ANKZF1: variants seen among roughly 807,000 people sequenced by gnomAD.
The protein encoded by ANKZF1 is ankyrin repeat and zinc finger peptidyl tRNA hydrolase 1.
Under a neutral mutation model 86.0 loss-of-function variants are expected in ANKZF1, and 84 were observed. That is an observed-to-expected ratio of 0.98 (90% confidence interval 0.82 to 1.17). The LOEUF (loss-of-function observed/expected upper bound fraction) is 1.17. ANKZF1 is among the 50% of genes most tolerant of loss of function. The pLI, the probability that ANKZF1 is intolerant of heterozygous loss-of-function variation, is 0.00. For synonymous variants in ANKZF1, 331 were observed against 354.2 expected (o/e 0.93, Z 0.74); for missense variants, 893 against 918.4 (o/e 0.97, Z 0.36).
In ANKZF1 at chr2:219,230,272, A is replaced by G; in HGVS notation, c.15A>G (p.Pro5=). Residue 5 remains proline, a synonymous_variant, in exon 2 of 14, where the codon CCA becomes CCG. Coordinates refer to ENST00000323348, the MANE Select transcript of ANKZF1 (RefSeq NM_018089.3). MSPA[P]DAAPAPASIS... ...TCTGCTCAGCCATGTCGCCGGCTCC[A>G]GATGCAGCCCCGGCTCCTGCGTCGA... 1 of 1,613,578 alleles carries G rather than the reference A, an allele frequency of 6.2e-7. No homozygotes were observed. The highest frequency in any genetic ancestry group is 2.2e-5 in the East Asian group (1 of 44,850).
chr2:219,230,566 C>T, intron 2 of ANKZF1, 161 bp downstream of exon 2: 1 of 956,112 alleles, frequency 1.0e-6, no homozygotes, highest in Non-Finnish European at 1.5e-6. Flanking sequence ...TCCAGCACAG[C>T]CCTTGTTTTC....
chr2:219,230,812 C>G (rs1951011920), intron 2 of ANKZF1: 1 of 154,666 alleles, frequency 6.5e-6, no homozygotes, highest in East Asian at 1.9e-4. Flanking sequence ...GATCTCCACC[C>G]ACTGCAATCT....
In ANKZF1 at chr2:219,234,992, T is replaced by A. The variant is rs766385438; in HGVS notation, c.1371T>A (p.Thr457=). The change falls in exon 10 of 14, where the codon ACT becomes ACA. Residue 457 remains threonine, a synonymous_variant. Coordinates refer to ENST00000323348, the MANE Select transcript of ANKZF1 (RefSeq NM_018089.3). The part of the protein sequence containing the change: ...SRDQEAGAHR[T]LLQQTQEEEP... ...ACCAGGAGGCTGGGGCACATCGGAC[T>A]CTTCTCCAGCAAACTCAAGAAGAGG... 3.1e-6 allele frequency: 5 copies of A among 1,614,258 alleles called. No individual in the cohort carries two copies. The highest frequency in any genetic ancestry group is 4.2e-6 in the Non-Finnish European group (5 of 1,180,048).
At position 219,235,870 on chromosome 2, in the gene ANKZF1, GAGA is replaced by G. The variant is rs755299273; in HGVS notation, c.1969_1971del (p.Lys657del). On this transcript the variant is annotated inframe_deletion and splice_region_variant, in exon 12 of 14. Transcript: ENST00000323348. ...GCGATTTGCCGCCCTCAGTGACCGA[GAGA>G]AGGTGAGGCTGGAGGTTCTCTTGTC... The G allele has an allele frequency of 3.1e-6, 5 of 1,614,054 alleles. No individual in the cohort carries two copies. Among genetic ancestry groups the G allele is most frequent in the South Asian group, 1.1e-5 (1 of 91,086 alleles).
intron 9 of ANKZF1, 90 bp from the exon 10 acceptor site, chr2:219,234,736 C>T (rs1332954348): frequency 6.8e-7 from 1 of 1,480,718 alleles, no homozygotes; most frequent in Admixed American, 2.3e-5. Context: ...AAAATAAAAA[C>T]AATTTCATTT....
chr2:219,233,453 T>C lies in ANKZF1; in HGVS notation c.819+20T>C. 1 of 1,591,304 alleles carries C rather than the reference T, an allele frequency of 6.3e-7. No homozygotes were observed. The highest frequency in any genetic ancestry group is 8.6e-7 in the Non-Finnish European group (1 of 1,168,240). On this transcript the variant is annotated intron_variant, in intron 7 of 13. Transcript: ENST00000323348. ...TATAAGGTGAGTTAAGCCTTTTAGA[T>C]CTGGTGGTACTGATCCATACTTTTT...
chr2:219,233,213 G>A (rs760074099), intron 6 of ANKZF1, 22 bp downstream of exon 6: 2 of 1,614,106 alleles, frequency 1.2e-6, no homozygotes, highest in Non-Finnish European at 1.7e-6. Context: ...CTGCATGGGG[G>A]TAAGGATGGA....
chr2:219,236,590 T>C lies in ANKZF1; in HGVS notation c.*145T>C. On this transcript the variant is annotated 3_prime_UTR_variant, in exon 14 of 14. Coordinates refer to ENST00000323348, the MANE Select transcript of ANKZF1 (RefSeq NM_018089.3). ...TCGGGAACTAGGGCAAAGACAGGGC[T>C]AGAGGTATGTGGAGCTGGTACTGTC... 1 of 1,081,174 alleles carries C rather than the reference T, an allele frequency of 9.2e-7. No homozygotes were observed. The highest frequency in any genetic ancestry group is 1.3e-6 in the Non-Finnish European group (1 of 766,632). 67.0% of individuals were successfully genotyped at this position (1,081,174 alleles called of 1,614,324 possible).
rs775518293 is a variant in ANKZF1, at chr2:219,235,571, TACA to T, written c.1794_1796del (p.Asn598del). 6.0e-5 allele frequency: 97 copies of T among 1,614,026 alleles called. 1 individual carries two copies. In the Admixed American group the frequency reaches 1.5e-3, roughly 25 times the overall value. ...GGAGAAGAATCCAGATGCCTACGAT[TACA>T]ACAAGGCTCAGGTCATCTGGAATAG... On this transcript the variant is annotated inframe_deletion, in exon 11 of 14. Coordinates refer to ENST00000323348, the MANE Select transcript of ANKZF1 (RefSeq NM_018089.3).
At chr2:219,234,684 T>C in intron 9 of ANKZF1, 142 bp from the exon 10 acceptor site, 1 of 1,120,176 alleles carries the variant, frequency 8.9e-7, no homozygotes, top group Non-Finnish European at 1.3e-6. Context: ...GCATGTGATA[T>C]AATGGACTCA....
In ANKZF1 at chr2:219,233,803, G is replaced by A. The variant is rs751522323; in HGVS notation, c.908G>A (p.Arg303Gln). Residue 303 changes from arginine to glutamine, a missense_variant, in exon 8 of 14, where the codon CGG (arginine) becomes CAG (glutamine). Transcript: ENST00000323348. ...CTGTTGCGTGCTCCCCGCTCTGGCCGGTCTTTGTTCTTTGGAGGCAAGGGA... is the reference window on the plus strand; with the variant it reads ...CTGTTGCGTGCTCCCCGCTCTGGCCAGTCTTTGTTCTTTGGAGGCAAGGGA... ...TILLRAPRSG[R>Q]SLFFGGKGAP... is the part of the protein sequence containing the mutation. 7 of 1,614,112 alleles carry A rather than the reference G, an allele frequency of 4.3e-6. No homozygotes were observed. The highest frequency in any genetic ancestry group is 5.9e-6 in the Non-Finnish European group (7 of 1,180,030).
At chr2:219,234,101 A>G in intron 8 of ANKZF1, 32 bp from the exon 9 acceptor site, 1 of 1,598,974 alleles carries the variant, frequency 6.3e-7, no homozygotes, top group African/African-American at 1.4e-5. Flanking sequence ...CTCCTCAGCT[A>G]AGGTTGAGAA....
At position 219,234,187 on chromosome 2, in the gene ANKZF1, C is replaced by T. The variant is rs201470378; in HGVS notation, c.1103C>T (p.Thr368Ile). 10 of 1,614,018 alleles carry T rather than the reference C, an allele frequency of 6.2e-6. No individual in the cohort carries two copies. In the East Asian group the frequency reaches 1.8e-4, roughly 29 times the overall value. Residue 368 changes from threonine to isoleucine, a missense_variant, in exon 9 of 14, where the codon ACA becomes ATA. Physicochemically the swap from Thr to Ile is moderately conservative, Grantham distance 89 (BLOSUM62 -1). Coordinates refer to ENST00000323348, the MANE Select transcript of ANKZF1 (RefSeq NM_018089.3). Reference protein sequence around the residue: ...RLHSPQTHWKTVREERKKPTE... With the variant: ...RLHSPQTHWKIVREERKKPTE... ...CACTCACCTCAGACACACTGGAAAA[C>T]AGTAAGAGAGGAGAGAAAGAAGCCT...
rs1295710347 is a variant in ANKZF1 at position 219,233,309 on chromosome 2, CT to C, written c.699del (p.His234ThrfsTer30). On this transcript the variant is annotated frameshift_variant, in exon 7 of 14. Transcript: ENST00000323348. LOFTEE classifies it high-confidence loss of function. Reference sequence around the variant, plus strand: ...AGAAGAGAAGTGGTGACACACAAAACTTTTCACCGCTATACGGTTCGGGCCA... The same window carrying C: ...AGAAGAGAAGTGGTGACACACAAAACTTTCACCGCTATACGGTTCGGGCCA... ...FQGREVVTHK[T>X]FHRYTVRAKR... The C allele has an allele frequency of 3.7e-6, 6 of 1,614,136 alleles. No homozygotes were observed. The highest frequency in any genetic ancestry group is 2.7e-5 in the African/African-American group (2 of 74,944).
At chr2:219,230,431 C>T (rs777898316) in intron 2 of ANKZF1, 26 bp downstream of exon 2, 1 of 1,587,224 alleles carries the variant, frequency 6.3e-7, no homozygotes, top group East Asian at 2.3e-5. Context: ...TCGTGTGAAA[C>T]GTGACAGGGC....
At position 219,235,819 on chromosome 2, in the gene ANKZF1, G is replaced by A; in HGVS notation, c.1915G>A (p.Glu639Lys). ...ACAGCAGCAGAGGCAGCAGGAGCAG[G>A]AGGAGCGTGAACGAGAAGAGCAGCG... ...EEQQQRQQEQ[E>K]EREREEQRRF... Residue 639 changes from glutamate to lysine, a missense_variant, in exon 12 of 14, where the codon GAG becomes AAG. Glu to Lys is a moderately conservative substitution (Grantham distance 56). Transcript: ENST00000323348. 2 of 1,614,080 alleles carry A rather than the reference G, an allele frequency of 1.2e-6. No homozygotes were observed. Among genetic ancestry groups the A allele is most frequent in the Non-Finnish European group, 1.7e-6 (2 of 1,179,940 alleles).
chr2:219,231,553 C>G (rs56238180), intron 2 of ANKZF1: 7,654 of 219,568 alleles, frequency 0.035, 302 homozygotes, highest in East Asian at 0.11. Context: ...CGCCACCACA[C>G]CCGGTTAATT....
At chr2:219,232,418 A>G in intron 4 of ANKZF1, 56 bp downstream of exon 4, 1 of 1,611,372 alleles carries the variant, frequency 6.2e-7, no homozygotes, top group South Asian at 1.1e-5. Flanking sequence ...ATAAGAAAGC[A>G]CTAGTTTAGA....
intron 10 of ANKZF1, 29 bp downstream of exon 10, chr2:219,235,341 T>C (rs1352666395): frequency 5.0e-6 from 8 of 1,600,110 alleles, no homozygotes; most frequent in Non-Finnish European, 6.8e-6. Context: ...CCTGAGTCAT[T>C]TTGGGTATAG....
Sources: allele counts gnomAD v4.1 joint callset, GRCh38; gene constraint gnomAD v4.1.1; transcripts MANE v1.5; gene names NCBI Gene and HGNC (gene_info 2026-07-23, HGNC 2026-07-21).